Variants in GPHN observed in about 807,000 individuals in gnomAD.
GPHN encodes gephyrin.
GPHN carries 17 observed loss-of-function variants against 95.5 expected under a neutral mutation model. The observed-to-expected ratio is 0.18, with a 90% CI of 0.12 to 0.27. The LOEUF is 0.27. Ranked by LOEUF, GPHN falls within the 10% of genes least tolerant of loss-of-function variation. GPHN has a pLI of 1.00. For synonymous variants in GPHN, 320 were observed against 322.5 expected, an observed-to-expected ratio of 0.99 and a Z score of 0.08; for missense variants, 660 against 978.1, an observed-to-expected ratio of 0.67 and a Z score of 4.34.
At chr14:66,600,641 C>A (rs1245002346) in intron 1 of GPHN, among the ~76,000 whole-genome samples, 3 of 151,996 alleles carry the variant, frequency 2.0e-5, no homozygotes, top group Non-Finnish European at 2.9e-5. Context: ...GCTTTTGTAA[C>A]ACACATATTT....
chr14:66,842,848 G>A, intron 4 of GPHN: 2 of 677,692 alleles, frequency 3.0e-6, no homozygotes, highest in South Asian at 1.9e-5. Context: ...GGATTGTTAT[G>A]TATCTATGTT....
chr14:67,086,401 C>T (rs2076884231), intron 11 of GPHN, among the ~76,000 whole-genome samples: 1 of 152,112 alleles, frequency 6.6e-6, no homozygotes, highest in Admixed American at 6.5e-5. Flanking sequence ...CCTGTAATCC[C>T]AGCACTTTGG....
chr14:66,633,724 T>G (rs994203386), intron 1 of GPHN, among the ~76,000 whole-genome samples: 1 of 152,174 alleles, frequency 6.6e-6, no homozygotes, highest in Non-Finnish European at 1.5e-5. Flanking sequence ...ACTTGCTGGA[T>G]TGTATGGTAA....
At chr14:66,874,533 C>T (rs567663330) in intron 4 of GPHN, among the ~76,000 whole-genome samples, 1 of 152,232 alleles carries the variant, frequency 6.6e-6, no homozygotes, top group African/African-American at 2.4e-5. Flanking sequence ...GAATTGGTAA[C>T]TAGAATAACC....
the GPHN span, among the ~76,000 whole-genome samples, chr14:67,406,196 T>G: frequency 6.6e-6 from 1 of 150,404 alleles, no homozygotes; most frequent in Non-Finnish European, 1.5e-5. Context: ...GAGGAGGAGG[T>G]TGCAGTGAGC....
the GPHN span, among the ~76,000 whole-genome samples, chr14:67,424,831 A>T: frequency 2.0e-5 from 3 of 152,034 alleles, no homozygotes; most frequent in Non-Finnish European, 4.4e-5. Context: ...CTATGCTTCT[A>T]CCCTGTGTCT....
At chr14:66,644,073 T>C (rs1487775670) in intron 1 of GPHN, among the ~76,000 whole-genome samples, 2 of 152,090 alleles carry the variant, frequency 1.3e-5, no homozygotes, top group South Asian at 4.1e-4. Context: ...GTTTTTTGCT[T>C]TCTTGTCTAT....
the GPHN span, among the ~76,000 whole-genome samples, chr14:67,336,987 C>T: frequency 2.6e-5 from 4 of 152,200 alleles, no homozygotes; most frequent in African/African-American, 7.2e-5. Context: ...ACTGCTTAGA[C>T]TTAAATTCTG....
the GPHN span, chr14:67,208,073 C>T: frequency 7.3e-7 from 1 of 1,364,738 alleles, no homozygotes; most frequent in Non-Finnish European, 9.8e-7. Flanking sequence ...CTCACTCCCT[C>T]CTTACTACTC....
the GPHN span, among the ~76,000 whole-genome samples, chr14:67,657,940 G>C: frequency 6.6e-6 from 1 of 151,880 alleles, no homozygotes; most frequent in Non-Finnish European, 1.5e-5. Context: ...GTAGAGACAG[G>C]GTTTCACCAT....
the GPHN span, among the ~76,000 whole-genome samples, chr14:67,547,508 G>A: frequency 1.3e-5 from 2 of 152,146 alleles, no homozygotes; most frequent in African/African-American, 4.8e-5. Flanking sequence ...GTTGCTACAC[G>A]CACTGGGAGG....
the GPHN span, among the ~76,000 whole-genome samples, chr14:67,440,618 T>G: frequency 6.6e-6 from 1 of 152,106 alleles, no homozygotes; most frequent in Non-Finnish European, 1.5e-5. Context: ...TGGGCATGGT[T>G]GTGCATGTCT....
chr14:66,542,115 C>T (rs1396750908), intron 1 of GPHN, among the ~76,000 whole-genome samples: 1 of 152,172 alleles, frequency 6.6e-6, no homozygotes, highest in Admixed American at 6.5e-5. Context: ...TTAAGTCCAG[C>T]TTAAATCCAG....
In GPHN at chr14:66,624,623, G is replaced by A. The variant is rs540258229; in HGVS notation, c.65-56484G>A. On this transcript the variant is annotated intron_variant, in intron 1 of 22. Transcript: ENST00000478722. Reference sequence around the variant, plus strand: ...TTAAAAGCCATTTTCTTGGACCAGGGGTTGAGAGACTTCAGTCTGTGTGCC... The same window carrying A: ...TTAAAAGCCATTTTCTTGGACCAGGAGTTGAGAGACTTCAGTCTGTGTGCC... Among the ~76,000 whole-genome samples the A allele has an allele frequency of 2.5e-3, 376 of 152,248 alleles. 4 individuals are homozygous for A. The highest frequency in any genetic ancestry group is 8.4e-3 in the African/African-American group (349 of 41,562).
chr14:67,727,444 C>T, the GPHN span: 1 of 443,788 alleles, frequency 2.3e-6, no homozygotes, highest in Non-Finnish European at 4.1e-6. Flanking sequence ...TTGATTTTCA[C>T]AGTAGCTTTT....
At chr14:67,160,904 A>G (rs970762437) in intron 19 of GPHN, among the ~76,000 whole-genome samples, 4 of 152,180 alleles carry the variant, frequency 2.6e-5, no homozygotes, top group African/African-American at 7.2e-5. Flanking sequence ...TTTGTCCACA[A>G]TTTGATAGAA....
At chr14:67,470,561 C>T in the GPHN span, 1 of 152,688 alleles carries the variant, frequency 6.5e-6, no homozygotes, top group Non-Finnish European at 1.5e-5. Flanking sequence ...CTACACAGCC[C>T]AGGGCTTCAT....
At chr14:66,927,236 C>T (rs943866254) in intron 8 of GPHN, among the ~76,000 whole-genome samples, 1 of 151,672 alleles carries the variant, frequency 6.6e-6, no homozygotes, top group Non-Finnish European at 1.5e-5. Flanking sequence ...GTAGTCCCAG[C>T]TACTCAGGAG....
At chr14:67,412,614 T>G in the GPHN span, among the ~76,000 whole-genome samples, 13 of 152,144 alleles carry the variant, frequency 8.5e-5, no homozygotes, top group Non-Finnish European at 1.9e-4. Context: ...CAGGCACAGT[T>G]TGCAGGGCCC....
Sources: gnomAD v4.1 joint callset for allele counts (sites outside exome capture counted in the v4.1 genomes callset) on GRCh38, gnomAD v4.1.1 for gene constraint, MANE v1.5 for transcripts, NCBI Gene and HGNC (gene_info 2026-07-23, HGNC 2026-07-21) for gene names.